TMEM178B: variants seen among roughly 807,000 people sequenced by gnomAD.
TMEM178B encodes transmembrane protein 178B.
In TMEM178B, 5 loss-of-function variants were observed where a neutral mutation model predicts 31.0. The ratio of observed to expected loss-of-function variants is 0.16; its 90% CI spans 0.08 to 0.34. TMEM178B has a LOEUF of 0.34. Among genes scored for constraint, TMEM178B ranks in the 10% least tolerant of loss-of-function variants. TMEM178B has a pLI of 1.00. For synonymous variants in TMEM178B, 164 were observed against 164.0 expected, an observed-to-expected ratio of 1.00 and a Z score of 0.00; for missense variants, 275 against 400.3, an observed-to-expected ratio of 0.69 and a Z score of 2.67.
intron 1 of TMEM178B, among the ~76,000 whole-genome samples, chr7:141,159,225 C>T (rs1225835781): frequency 1.3e-5 from 2 of 152,096 alleles, no homozygotes; most frequent in Admixed American, 6.6e-5. Flanking sequence ...AGTAGTCTCC[C>T]TGCAGTCACT....
At chr7:141,244,758 G>A (rs1797697680) in intron 2 of TMEM178B, among the ~76,000 whole-genome samples, 1 of 152,146 alleles carries the variant, frequency 6.6e-6, no homozygotes, top group South Asian at 2.1e-4. Flanking sequence ...CATAAAATAG[G>A]ATGTGTTTCC....
intron 1 of TMEM178B, among the ~76,000 whole-genome samples, chr7:141,175,672 C>T (rs953945446): frequency 2.0e-5 from 3 of 152,012 alleles, no homozygotes; most frequent in African/African-American, 4.8e-5. Flanking sequence ...TGAAGAGGTC[C>T]TTCACATCCC....
the TMEM178B span, among the ~76,000 whole-genome samples, chr7:141,502,431 A>T: frequency 6.6e-6 from 1 of 152,160 alleles, no homozygotes; most frequent in Non-Finnish European, 1.5e-5. Context: ...GGGAACTCTA[A>T]AGAGAAAGGT....
rs1159067825 is a variant in TMEM178B, at chr7:141,344,592, C to A, written c.497-93016C>A. Among the ~76,000 whole-genome samples the A allele has an allele frequency of 5.3e-5, 7 of 131,572 alleles. No homozygotes were observed. Among genetic ancestry groups the A allele is most frequent in the African/African-American group, 1.7e-4 (6 of 34,990 alleles). The allele number at this position is 131,572 out of a possible 152,430, so 86.3% of individuals were successfully genotyped here. On this transcript the variant is annotated intron_variant, in intron 2 of 3. Coordinates refer to ENST00000565468, the MANE Select transcript of TMEM178B (RefSeq NM_001195278.2). The surrounding 1 kb of genome is among the most constrained non-coding windows in gnomAD (Gnocchi z 4.1). ...CCCTCCTCCCTTCCTTCCTTCCTTC[C>A]TTCCTTCCTTCCTTCCTTCCTTCCT... is the stretch of plus-strand genomic sequence containing the variant.
chr7:141,227,228 A>G (rs374224121), intron 2 of TMEM178B, among the ~76,000 whole-genome samples: 3 of 152,352 alleles, frequency 2.0e-5, no homozygotes, highest in African/African-American at 7.2e-5. Flanking sequence ...GGAAACGACC[A>G]TCTTAGCTTG....
intron 2 of TMEM178B, among the ~76,000 whole-genome samples, chr7:141,233,151 C>T (rs1797474121): frequency 6.6e-6 from 1 of 152,226 alleles, no homozygotes; most frequent in South Asian, 2.1e-4. Flanking sequence ...CCTGTGAACA[C>T]TGCTGTCAGC....
chr7:141,343,652 C>T (rs983120354), intron 2 of TMEM178B, among the ~76,000 whole-genome samples: 1 of 150,894 alleles, frequency 6.6e-6, no homozygotes, highest in Non-Finnish European at 1.5e-5. Flanking sequence ...CCGGGTTACA[C>T]CATTCTCTTG....
chr7:141,506,689 C>T, the TMEM178B span, among the ~76,000 whole-genome samples: 2 of 152,142 alleles, frequency 1.3e-5, no homozygotes, highest in Admixed American at 6.5e-5. Flanking sequence ...TATGTCCTCA[C>T]ATTTCAAAAC....
intron 3 of TMEM178B, among the ~76,000 whole-genome samples, chr7:141,464,392 CT>C (rs1378020402): frequency 2.6e-5 from 4 of 152,164 alleles, no homozygotes; most frequent in African/African-American, 9.7e-5. Context: ...CTCCAGCTCC[CT>C]GATTTTACAG....
intron 2 of TMEM178B, among the ~76,000 whole-genome samples, chr7:141,215,780 T>TTCTC (rs1491441964): frequency 1.1e-3 from 38 of 35,598 alleles, no homozygotes; most frequent in African/African-American, 4.8e-3. Flanking sequence ...ATACTTTCCT[T>TTCTC]TCTTTCTTTC....
intron 1 of TMEM178B, among the ~76,000 whole-genome samples, chr7:141,091,020 T>C (rs1201050971): frequency 1.3e-5 from 2 of 152,244 alleles, no homozygotes; most frequent in East Asian, 3.8e-4. Flanking sequence ...AATATAGATA[T>C]GGCTGCATTG....
chr7:141,284,927 A>G (rs1798420243), intron 2 of TMEM178B, among the ~76,000 whole-genome samples: 1 of 152,192 alleles, frequency 6.6e-6, no homozygotes, highest in South Asian at 2.1e-4. Context: ...TTCAGAGACC[A>G]GAGTCTAAGA....
At position 141,172,159 on chromosome 7, in the gene TMEM178B, A is replaced by G. The variant is rs74885452; in HGVS notation, c.383-40432A>G. Among the ~76,000 whole-genome samples, 203 of 152,316 alleles carry G rather than the reference A, an allele frequency of 1.3e-3. 4 individuals carry two copies. The East Asian group carries it at 0.033, about 25-fold the overall frequency. ...AGAGTTGGAATCAGTATTCCAACTC[A>G]CAGAACAGTGAACATAAAGTAGTCT... is the stretch of plus-strand genomic sequence containing the variant. On this transcript the variant is annotated intron_variant, in intron 1 of 3. Transcript: ENST00000565468.
intron 1 of TMEM178B, among the ~76,000 whole-genome samples, chr7:141,187,304 G>C (rs1796626218): frequency 6.6e-6 from 1 of 151,832 alleles, no homozygotes; most frequent in South Asian, 2.1e-4. Flanking sequence ...GTATTCCATG[G>C]TGTATATGTG....
intron 2 of TMEM178B, among the ~76,000 whole-genome samples, chr7:141,359,291 A>G (rs1799876675): frequency 6.6e-6 from 1 of 152,214 alleles, no homozygotes. Context: ...GCCTCCCAGC[A>G]CGGTGTCCTC....
chr7:141,213,264 C>G (rs1797077751), intron 2 of TMEM178B, among the ~76,000 whole-genome samples: 1 of 152,174 alleles, frequency 6.6e-6, no homozygotes, highest in South Asian at 2.1e-4. Context: ...CAGCAAAGAT[C>G]AGAATATCTG....
the TMEM178B span, among the ~76,000 whole-genome samples, chr7:141,500,275 C>G: frequency 1.2e-4 from 19 of 152,196 alleles, no homozygotes; most frequent in Non-Finnish European, 1.8e-4. Context: ...AGGAATCAGA[C>G]AGGTGTACAA....
chr7:141,093,234 C>A (rs1794907446), intron 1 of TMEM178B, among the ~76,000 whole-genome samples: 1 of 152,114 alleles, frequency 6.6e-6, no homozygotes, highest in South Asian at 2.1e-4. Context: ...GGAGAAGAGA[C>A]TGGATTCTGG....
At chr7:141,310,721 C>A (rs1586884838) in intron 2 of TMEM178B, among the ~76,000 whole-genome samples, 2 of 152,318 alleles carry the variant, frequency 1.3e-5, no homozygotes, top group African/African-American at 4.8e-5. Context: ...ATTAGTTCAA[C>A]CATTGTGGAA....
Sources: allele counts gnomAD v4.1 joint callset (sites outside exome capture counted in the v4.1 genomes callset), GRCh38; gene constraint gnomAD v4.1.1; non-coding constraint Gnocchi (gnomAD v3.1); transcripts MANE v1.5; gene names NCBI Gene and HGNC (gene_info 2026-07-23, HGNC 2026-07-21).